Variants in CWC25 observed in about 807,000 individuals in gnomAD.
CWC25 encodes CWC25 spliceosome associated protein.
In CWC25, 31 loss-of-function variants were observed where a neutral mutation model predicts 54.6. The observed-to-expected ratio is 0.57, with a 90% confidence interval of 0.43 to 0.77. CWC25 has a LOEUF of 0.77. CWC25 is among the 30% of genes least tolerant of loss of function. CWC25 has a pLI of 0.00. For synonymous variants in CWC25, 151 were observed against 187.0 expected, an observed-to-expected ratio of 0.81 and a Z score of 1.57; for missense variants, 453 against 529.3, an observed-to-expected ratio of 0.86 and a Z score of 1.41.
Position 38,802,845 on chromosome 17 carries a change from C to G in CWC25, c.1018G>C (p.Glu340Gln). The G allele has an allele frequency of 1.2e-6, 2 of 1,613,984 alleles. No homozygotes were observed. The highest frequency in any genetic ancestry group is 4.5e-5 in the East Asian group (2 of 44,884). Residue 340 changes from glutamate to glutamine, a missense_variant, in exon 9 of 10, where the codon GAA (glutamate) becomes CAA (glutamine). Physicochemically the swap from Glu to Gln is conservative, Grantham distance 29. Around this residue, in one of 2 missense-constraint regions of CWC25, gnomAD observed 444 missense variants for 499.2 expected, o/e 0.89. Coordinates refer to ENST00000614790, the MANE Select transcript of CWC25 (RefSeq NM_017748.5). ...PGYTRKLSAE[E>Q]LERKRQEMME... ...ATCTCTTGCCGTTTTCGCTCTAATT[C>G]CTCTGCAGAGAGTTTTCTGTTGAGC...
intron 1 of CWC25, among the ~76,000 whole-genome samples, chr17:38,821,491 G>A (rs760038804): frequency 1.3e-4 from 20 of 152,294 alleles, no homozygotes; most frequent in Admixed American, 3.3e-4. Flanking sequence ...ACCAAGAGGC[G>A]GAGGTTGCGG....
chr17:38,811,685 G>A (rs959021625), intron 4 of CWC25, among the ~76,000 whole-genome samples: 3 of 152,104 alleles, frequency 2.0e-5, no homozygotes, highest in African/African-American at 7.2e-5. Flanking sequence ...ACACACCAGG[G>A]GAAGGGTCTT....
At chr17:38,811,128 G>A (rs939793840) in intron 4 of CWC25, among the ~76,000 whole-genome samples, 1 of 151,576 alleles carries the variant, frequency 6.6e-6, no homozygotes, top group Non-Finnish European at 1.5e-5. Flanking sequence ...CTACTCGGGA[G>A]GCTGAGGCAG....
rs773316105 is a variant in CWC25, at chr17:38,806,300, G to A, written c.998C>T (p.Thr333Ile). 2 of 1,610,202 alleles carry A rather than the reference G, an allele frequency of 1.2e-6. No individual in the cohort carries two copies. Among genetic ancestry groups the A allele is most frequent in the Non-Finnish European group, 1.7e-6 (2 of 1,178,184 alleles). ...ATCAACTGGGCTCCTGACTCACCTG[G>A]TGTATCCGGGAGCATGTCGCCTTTG... is the stretch of plus-strand genomic sequence containing the variant. ...VYQRRHAPGY[T>I]RKLSAEELER... Residue 333 changes from threonine to isoleucine, a missense_variant, in exon 8 of 10, where the codon ACC becomes ATC. Physicochemically the swap from Thr to Ile is moderately conservative, Grantham distance 89. Around this residue, in one of 2 missense-constraint regions of CWC25, gnomAD observed 444 missense variants for 499.2 expected, o/e 0.89. Coordinates refer to ENST00000614790, the MANE Select transcript of CWC25 (RefSeq NM_017748.5).
rs1467570988 is a variant in CWC25 at position 38,802,150 on chromosome 17, T to C, written c.1220A>G (p.Asn407Ser). Residue 407 changes from asparagine to serine, a missense_variant, in exon 10 of 10, where the codon AAT (asparagine) becomes AGT (serine). Around this residue, in one of 2 missense-constraint regions of CWC25, gnomAD observed 444 missense variants for 499.2 expected, o/e 0.89. Transcript: ENST00000614790. ...CGAAGTTCTCTGTAAAGAGTAGATA[T>C]TCCGCTTCACCCGATCCTCCAGGGA... The part of the protein sequence containing the change: ...TSSLEDRVKR[N>S]IYSLQRTSVA... The C allele has an allele frequency of 6.2e-7, 1 of 1,614,020 alleles. No individual in the cohort carries two copies. The highest frequency in any genetic ancestry group is 8.5e-7 in the Non-Finnish European group (1 of 1,179,872).
chr17:38,820,220 C>T (rs1023181910), intron 2 of CWC25, among the ~76,000 whole-genome samples: 1 of 152,210 alleles, frequency 6.6e-6, no homozygotes. Flanking sequence ...TGAACCACCG[C>T]ACCTAGTCCC....
intron 1 of CWC25, among the ~76,000 whole-genome samples, chr17:38,822,429 T>A (rs1335906097): frequency 9.9e-5 from 15 of 152,156 alleles, no homozygotes; most frequent in Admixed American, 9.8e-4. Flanking sequence ...TAAACTTGCA[T>A]GGTTTACAAC....
intron 2 of CWC25, among the ~76,000 whole-genome samples, chr17:38,820,492 C>T (rs1440208912): frequency 6.6e-6 from 1 of 152,096 alleles, no homozygotes; most frequent in African/African-American, 2.4e-5. Context: ...TCCCTGCCCC[C>T]TGTCCCCGCC....
intron 2 of CWC25, among the ~76,000 whole-genome samples, chr17:38,817,478 C>T (rs1015194063): frequency 6.6e-6 from 1 of 151,910 alleles, no homozygotes; most frequent in Non-Finnish European, 1.5e-5. Context: ...TGGTGAAATG[C>T]CATCTCTACT....
intron 8 of CWC25, among the ~76,000 whole-genome samples, chr17:38,805,167 C>T (rs149894967): frequency 3.3e-5 from 5 of 150,750 alleles, no homozygotes; most frequent in East Asian, 3.9e-4. Flanking sequence ...CCCAGCTACT[C>T]GGGAGGCTGG....
chr17:38,810,538 G>A lies in CWC25; in HGVS notation c.556C>T (p.His186Tyr), dbSNP rs760542716. The A allele has an allele frequency of 1.9e-6, 3 of 1,599,482 alleles. No homozygotes were observed. Among genetic ancestry groups the A allele is most frequent in the East Asian group, 2.2e-5 (1 of 44,550 alleles). Residue 186 changes from histidine to tyrosine, a missense_variant, in exon 5 of 10, where the codon CAC becomes TAC. By Grantham distance (83) the His-to-Tyr change is moderately conservative. Transcript: ENST00000614790. The part of the protein sequence containing the change: ...KKKKKEKKKK[H>Y]KKHKHRSSSS... ...GAGCTTCTGTGCTTATGTTTCTTGT[G>A]CTTCTTTTTCTTCTCCTTCTTTTTC... is the stretch of plus-strand genomic sequence containing the variant.
At chr17:38,804,741 G>A (rs1488355152) in intron 8 of CWC25, among the ~76,000 whole-genome samples, 2 of 147,084 alleles carry the variant, frequency 1.4e-5, no homozygotes, top group Non-Finnish European at 3.0e-5. Flanking sequence ...CCGGGAGGCA[G>A]AGGTTGCAGT....
Position 38,814,933 on chromosome 17 carries a change from A to C in CWC25, c.356T>G (p.Phe119Cys), listed in dbSNP as rs756277010. The C allele has an allele frequency of 1.2e-6, 2 of 1,613,626 alleles. No homozygotes were observed. The highest frequency in any genetic ancestry group is 1.7e-6 in the Non-Finnish European group (2 of 1,179,852). Residue 119 changes from phenylalanine to cysteine, a missense_variant, in exon 3 of 10, where the codon TTT (phenylalanine) becomes TGT (cysteine). By Grantham distance (205) the Phe-to-Cys change is radical (BLOSUM62 -2). Coordinates refer to ENST00000614790, the MANE Select transcript of CWC25 (RefSeq NM_017748.5). ...AAGGGAATTGGCACCTGATGGGGCA[A>C]AGATAGAGCCTGGGAGAAGTCCTGT... ...SETGLLPGSI[F>C]APSGANSLLD...
chr17:38,815,913 A>G (rs928626304), intron 2 of CWC25, among the ~76,000 whole-genome samples: 2 of 152,220 alleles, frequency 1.3e-5, no homozygotes, highest in African/African-American at 2.4e-5. Flanking sequence ...AGGTAACTGA[A>G]TAAGTGACGC....
At chr17:38,821,450 T>C (rs1166862877) in intron 1 of CWC25, among the ~76,000 whole-genome samples, 1 of 152,068 alleles carries the variant, frequency 6.6e-6, no homozygotes, top group African/African-American at 2.4e-5. Flanking sequence ...GTCCCGGCTA[T>C]TCAGCAGGCT....
In CWC25 at chr17:38,806,305, T is replaced by G; in HGVS notation, c.993A>C (p.Gly331=). The stretch of plus-strand genomic sequence containing the variant: ...CTGGGCTCCTGACTCACCTGGTGTA[T>G]CCGGGAGCATGTCGCCTTTGGTAGA... ...KEVYQRRHAP[G]YTRKLSAEEL... is the part of the protein sequence containing the mutation. Residue 331 remains glycine, a synonymous_variant, in exon 8 of 10, where the codon GGA becomes GGC. Coordinates refer to ENST00000614790, the MANE Select transcript of CWC25 (RefSeq NM_017748.5). The G allele has an allele frequency of 6.2e-7, 1 of 1,611,168 alleles. No individual in the cohort carries two copies. The highest frequency in any genetic ancestry group is 8.5e-7 in the Non-Finnish European group (1 of 1,178,674).
chr17:38,824,580 G>A (rs1598080930), intron 1 of CWC25, among the ~76,000 whole-genome samples: 2 of 152,246 alleles, frequency 1.3e-5, no homozygotes, highest in African/African-American at 4.8e-5. Context: ...CAGCTACTCG[G>A]GAGGCTGAGG....
rs1182588731 is a variant in CWC25, at chr17:38,815,082, C to G, written c.207G>C (p.Lys69Asn). ...DVGAVKKKEE[K>N]LDWMYQGPGG... ...CAGGACCCTGGTACATCCAGTCCAA[C>G]TTTTCTTCTTTTTTCCTGGTTCAAG... Residue 69 changes from lysine to asparagine, a missense_variant, in exon 3 of 10, where the codon AAG becomes AAC. Lys to Asn is a moderately conservative substitution (Grantham distance 94, BLOSUM62 0). This residue lies in a region of CWC25 where 444 missense variants were observed against 499.2 expected (regional missense o/e 0.89). Transcript: ENST00000614790. 1.2e-5 allele frequency: 19 copies of G among 1,612,272 alleles called. No homozygotes were observed. The highest frequency in any genetic ancestry group is 1.5e-5 in the Non-Finnish European group (18 of 1,179,288).
At chr17:38,813,841 G>A (rs1021644443) in intron 3 of CWC25, among the ~76,000 whole-genome samples, 4 of 152,012 alleles carry the variant, frequency 2.6e-5, no homozygotes, top group South Asian at 2.1e-4. Flanking sequence ...ACCGTACCCG[G>A]CTGTCAGTTG....
Sources: gnomAD v4.1 joint callset for allele counts (sites outside exome capture counted in the v4.1 genomes callset) on GRCh38, gnomAD v4.1.1 for gene constraint, gnomAD v4.1.1 regional missense constraint, MANE v1.5 for transcripts, NCBI Gene and HGNC (gene_info 2026-07-23, HGNC 2026-07-21) for gene names.